DHRS4: variants seen among roughly 807,000 people sequenced by gnomAD.
The protein encoded by DHRS4 is dehydrogenase/reductase 4, also known as dehydrogenase/reductase SDR family member 4.
Under a neutral mutation model 28.4 loss-of-function variants are expected in DHRS4, and 20 were observed. The ratio of observed to expected loss-of-function variants is 0.71; its 90% confidence interval spans 0.50 to 1.02. The LOEUF (loss-of-function observed/expected upper bound fraction) is 1.02, where lower values mean the gene tolerates loss of function less well. DHRS4 is among the 50% of genes least tolerant of loss of function. The probability of loss-of-function intolerance (pLI) is 0.00; values close to 1 mark genes in which losing one functional copy is unlikely to be tolerated. For synonymous variants in DHRS4, 144 were observed against 146.4 expected (o/e 0.98, Z 0.12); for missense variants, 378 against 367.2 (o/e 1.03, Z -0.24).
At chr14:23,960,040 G>T (rs3742491) in intron 3 of DHRS4, 37 bp downstream of exon 3, 3 of 1,576,344 alleles carry the variant, frequency 1.9e-6, no homozygotes, top group African/African-American at 1.4e-5. Flanking sequence ...CGGGGGGGGC[G>T]CCTTGGAACA....
intron 2 of DHRS4, among the ~76,000 whole-genome samples, chr14:23,959,596 T>A (rs1037680761): frequency 5.9e-5 from 9 of 152,108 alleles, no homozygotes; most frequent in Non-Finnish European, 1.3e-4. Flanking sequence ...TAGCGGCAGA[T>A]CTTAGGGTAG....
At position 23,961,483 on chromosome 14, in the gene DHRS4, CTTCT is replaced by C. The variant is rs1162330194; in HGVS notation, c.408+1491_408+1494del. Among the ~76,000 whole-genome samples the C allele has an allele frequency of 1.3e-4, 17 of 127,018 alleles. No individual in the cohort carries two copies. In the South Asian group the frequency reaches 3.8e-3, roughly 28 times the overall value. The allele number at this position is 127,018 out of a possible 152,430, so 83.3% of individuals were successfully genotyped here. A position where few individuals can be genotyped will look rare whatever the true frequency, so the allele number is the denominator to read the frequency against. ...TTTGCTGCTAACCATTTAAGTTTGG[CTTCT>C]TTCTTTCTTTTTTTAGACAGACTCT... On this transcript the variant is annotated intron_variant, in intron 3 of 7. Transcript: ENST00000313250.
rs1336107304 is a variant in DHRS4, at chr14:23,959,901, G to C, written c.307-1G>C. The C allele has an allele frequency of 1.9e-6, 3 of 1,613,308 alleles. No homozygotes were observed. In the South Asian group the frequency reaches 3.3e-5, roughly 18 times the overall value. ...GGTCCAGAACTTACCCCTCTCTCTA[G>C]GCTGTGAAGCTTCATGGAGGTATCG... On this transcript the variant is annotated splice_acceptor_variant, in intron 2 of 7. Transcript: ENST00000313250. LOFTEE classifies it high-confidence loss of function.
intron 2 of DHRS4, among the ~76,000 whole-genome samples, chr14:23,959,641 T>C (rs1356521041): frequency 6.6e-6 from 1 of 151,626 alleles, no homozygotes; most frequent in Non-Finnish European, 1.5e-5. Flanking sequence ...ATAGAAGTTA[T>C]TTTGACGATA....
chr14:23,955,340 C>A (rs564127177), intron 2 of DHRS4, 128 bp downstream of exon 2: 2 of 1,392,376 alleles, frequency 1.4e-6, no homozygotes, highest in African/African-American at 1.5e-5. Flanking sequence ...CATATACTAA[C>A]GTCAGAGAAT....
intron 7 of DHRS4, chr14:23,967,897 A>T: frequency 1.8e-5 from 1 of 54,556 alleles, no homozygotes; most frequent in East Asian, 2.1e-4. Flanking sequence ...GGCCTGGTTC[A>T]TAACTCATTA....
chr14:23,961,529 CTTT>C (rs546435038), intron 3 of DHRS4, among the ~76,000 whole-genome samples: 1 of 90,744 alleles, frequency 1.1e-5, no homozygotes, highest in African/African-American at 6.7e-5. Context: ...GTCTTTTTTC[CTTT>C]TTTTTTTTTT....
chr14:23,962,967 C>T (rs1010593542), intron 3 of DHRS4, among the ~76,000 whole-genome samples: 12 of 138,158 alleles, frequency 8.7e-5, no homozygotes, highest in Non-Finnish European at 1.4e-4. Flanking sequence ...TCCATCAGAG[C>T]TTTTGAGTGA....
intron 5 of DHRS4, 62 bp from the exon 6 acceptor site, chr14:23,966,221 A>C (rs2033611828): frequency 1.3e-6 from 2 of 1,582,322 alleles, no homozygotes; most frequent in Admixed American, 1.8e-5. Context: ...CTCTATGTCT[A>C]GTTATTAGAA....
chr14:23,958,735 T>C (rs1397148736), intron 2 of DHRS4, among the ~76,000 whole-genome samples: 1 of 152,164 alleles, frequency 6.6e-6, no homozygotes, highest in African/African-American at 2.4e-5. Flanking sequence ...CCCAACTCAC[T>C]TTCAGAGGGC....
In DHRS4 at chr14:23,965,773, T is replaced by C; in HGVS notation, c.420T>C (p.Ile140=). The change falls in exon 4 of 8, where the codon ATT becomes ATC. Residue 140 remains isoleucine (I), a synonymous_variant. Coordinates refer to ENST00000313250, the MANE Select transcript of DHRS4 (RefSeq NM_021004.4). ...TCTCTTGGCTTCAGACTCTGGACAT[T>C]AATGTGAAGGCCCCAGCCCTGATGA... is the stretch of plus-strand genomic sequence containing the variant. ...TEEVWDKTLD[I]NVKAPALMTK... 7 of 1,603,588 alleles carry C rather than the reference T, an allele frequency of 4.4e-6. No homozygotes were observed. Among genetic ancestry groups the C allele is most frequent in the Non-Finnish European group, 6.0e-6 (7 of 1,173,706 alleles).
At chr14:23,955,849 G>T (rs10137990) in intron 2 of DHRS4, among the ~76,000 whole-genome samples, 28,906 of 152,190 alleles carry the variant, frequency 0.19, 6,607 homozygotes, top group African/African-American at 0.55. Context: ...GTCGATGTCA[G>T]AATTAGTAGT....
rs1201881440 is a variant in DHRS4, at chr14:23,966,337, C to G, written c.586C>G (p.Leu196Val). The change falls in exon 6 of 8, where the codon CTG becomes GTG. Residue 196 changes from leucine (L) to valine (V), a missense_variant. By Grantham distance (32) the Leu-to-Val change is conservative (BLOSUM62 1). Coordinates refer to ENST00000313250, the MANE Select transcript of DHRS4 (RefSeq NM_021004.4). ...KTALLGLTKTLAIELAPRNIR... is the reference protein window; with the variant it reads ...KTALLGLTKTVAIELAPRNIR... ...AGCCTTGCTGGGCCTGACCAAGACC[C>G]TGGCCATAGAGCTGGCCCCAAGGAA... is the stretch of plus-strand genomic sequence containing the variant. The G allele has an allele frequency of 6.2e-7, 1 of 1,613,970 alleles. No individual in the cohort carries two copies.
rs1203188574 is a variant in DHRS4 at position 23,968,830 on chromosome 14, G to A, written c.796G>A (p.Glu266Lys). 2 of 1,610,744 alleles carry A rather than the reference G, an allele frequency of 1.2e-6. No homozygotes were observed. The highest frequency in any genetic ancestry group is 3.3e-5 in the Admixed American group (2 of 59,842). The part of the protein sequence containing the change: ...CSEDASYITG[E>K]TVVVGGGTPS... ...TGAAGATGCCAGCTACATCACTGGGGAAACAGTGGTGGTGGGTGGAGGAAC... is the reference window on the plus strand; with the variant it reads ...TGAAGATGCCAGCTACATCACTGGGAAAACAGTGGTGGTGGGTGGAGGAAC... Residue 266 changes from glutamate (E) to lysine (K), a missense_variant, in exon 8 of 8, where the codon GAA becomes AAA. Coordinates refer to ENST00000313250, the MANE Select transcript of DHRS4 (RefSeq NM_021004.4).
At chr14:23,959,078 G>A (rs2033294500) in intron 2 of DHRS4, among the ~76,000 whole-genome samples, 1 of 152,154 alleles carries the variant, frequency 6.6e-6, no homozygotes, top group African/African-American at 2.4e-5. Flanking sequence ...CTTATTCAAG[G>A]AGAACTGGAC....
At chr14:23,963,088 C>T (rs2033482881) in intron 3 of DHRS4, among the ~76,000 whole-genome samples, 1 of 117,164 alleles carries the variant, frequency 8.5e-6, no homozygotes, top group Admixed American at 8.3e-5. Flanking sequence ...AACAGATGTG[C>T]TGTTATTCAG....
At chr14:23,957,616 A>G (rs959011215) in intron 2 of DHRS4, among the ~76,000 whole-genome samples, 2 of 150,212 alleles carry the variant, frequency 1.3e-5, no homozygotes, top group African/African-American at 4.9e-5. Flanking sequence ...CAGTGCAGTG[A>G]CATGATCATA....
In DHRS4 at chr14:23,968,928, G is replaced by A. The variant is rs2033753899; in HGVS notation, c.*57G>A. 6 of 1,602,150 alleles carry A rather than the reference G, an allele frequency of 3.7e-6. No homozygotes were observed. Among genetic ancestry groups the A allele is most frequent in the South Asian group, 2.2e-5 (2 of 89,524 alleles). ...GGCTCTAGCTCCTGGTGCTGTTCCCGCATTCACCCACTGGCCTTTCCCACC... is the reference window on the plus strand; with the variant it reads ...GGCTCTAGCTCCTGGTGCTGTTCCCACATTCACCCACTGGCCTTTCCCACC... On this transcript the variant is annotated 3_prime_UTR_variant, in exon 8 of 8. Transcript: ENST00000313250.
intron 3 of DHRS4, among the ~76,000 whole-genome samples, chr14:23,962,801 T>C (rs1345667611): frequency 6.7e-6 from 1 of 150,338 alleles, no homozygotes; most frequent in Non-Finnish European, 1.5e-5. Flanking sequence ...TTTGCCGAGA[T>C]CCATCAGAGG....
Sources: allele counts gnomAD v4.1 joint callset (sites outside exome capture counted in the v4.1 genomes callset), GRCh38; gene constraint gnomAD v4.1.1; transcripts MANE v1.5; gene names NCBI Gene and HGNC (gene_info 2026-07-23, HGNC 2026-07-21).